ZNF658: variants seen among roughly 807,000 people sequenced by gnomAD.
The protein encoded by ZNF658 is zinc finger protein 658.
In ZNF658, 46 loss-of-function variants were observed where a neutral mutation model predicts 78.0. The ratio of observed to expected loss-of-function variants is 0.59; its 90% CI spans 0.47 to 0.75. The LOEUF (loss-of-function observed/expected upper bound fraction) is 0.75, where lower values mean the gene tolerates loss of function less well. Ranked by LOEUF, ZNF658 falls within the 30% of genes least tolerant of loss-of-function variation. The probability of loss-of-function intolerance (pLI) is 0.00; values close to 1 mark genes in which losing one functional copy is unlikely to be tolerated. For synonymous variants in ZNF658, 279 were observed against 408.4 expected (o/e 0.68, Z 3.82); for missense variants, 785 against 1,189.3 (o/e 0.66, Z 5.00).
intron 6 of ZNF658, among the ~76,000 whole-genome samples, chr9:66,930,655 C>A (rs1365779932): frequency 6.6e-6 from 1 of 151,938 alleles, no homozygotes; most frequent in Non-Finnish European, 1.5e-5. Context: ...TAAAAAAATA[C>A]AACAGAGCAA....
intron 1 of ZNF658, 40 bp downstream of exon 1, chr9:66,900,876 C>T (rs1372160258): frequency 6.6e-6 from 1 of 152,106 alleles, no homozygotes; most frequent in Non-Finnish European, 1.5e-5. Context: ...GGCCCAGGAA[C>T]CTGGGGACGG....
chr9:66,918,346 C>A lies in ZNF658; in HGVS notation c.780C>A (p.His260Gln). The A allele has an allele frequency of 6.2e-7, 1 of 1,613,878 alleles. No homozygotes were observed. The highest frequency in any genetic ancestry group is 8.5e-7 in the Non-Finnish European group (1 of 1,179,844). Residue 260 changes from histidine to glutamine, a missense_variant, in exon 5 of 5, where the codon CAC (histidine) becomes CAA (glutamine). Coordinates refer to ENST00000621410, the MANE Select transcript of ZNF658 (RefSeq NM_033160.7). Reference protein sequence around the residue: ...KNFDKITLFNHMRTDTRGKCS... With the variant: ...KNFDKITLFNQMRTDTRGKCS... ...TTGATAAAATCACTTTATTTAACCA[C>A]ATGAGAACTGACACAAGGGGGAAAT... is the stretch of plus-strand genomic sequence containing the variant.
rs1179537170 is a variant in ZNF658, at chr9:66,930,604, T to C, written c.*55-1421T>C. Among the ~76,000 whole-genome samples, 4 of 152,032 alleles carry C rather than the reference T, an allele frequency of 2.6e-5. No individual in the cohort carries two copies. The East Asian group carries it at 7.7e-4, about 29-fold the overall frequency. On this transcript the variant is annotated intron_variant and NMD_transcript_variant, in intron 6 of 6. Transcript: ENST00000622180. ...GCAACCAGATCACAAGGTCAAGAGA[T>C]CGAGACCATTCTGGTCAACATGGTG...
At chr9:66,908,851 C>T in intron 4 of ZNF658, 117 bp downstream of exon 4, 1 of 658,446 alleles carries the variant, frequency 1.5e-6, no homozygotes, top group East Asian at 2.7e-5. Flanking sequence ...GCCTACAATT[C>T]ACTCCTTTAA....
At chr9:66,914,854 G>T (rs1822296479) in intron 4 of ZNF658, among the ~76,000 whole-genome samples, 1 of 152,006 alleles carries the variant, frequency 6.6e-6, no homozygotes, top group Admixed American at 6.6e-5. Flanking sequence ...GGAGATATTG[G>T]TCTGAAAGCT....
chr9:66,904,843 A>G (rs1412276040), intron 2 of ZNF658, among the ~76,000 whole-genome samples: 2 of 151,390 alleles, frequency 1.3e-5, no homozygotes, highest in Non-Finnish European at 2.9e-5. Flanking sequence ...CAGTTTCTCT[A>G]TTTTTCCTGG....
chr9:66,900,781 G>A lies in ZNF658; in HGVS notation c.-100G>A, dbSNP rs1368244000. 1.3e-5 allele frequency: 2 copies of A among 152,288 alleles called. No homozygotes were observed. Among genetic ancestry groups the A allele is most frequent in the Non-Finnish European group, 2.9e-5 (2 of 68,078 alleles). 9.4% of individuals were successfully genotyped at this position (152,288 alleles called of 1,614,324 possible). On this transcript the variant is annotated 5_prime_UTR_variant, in exon 1 of 5. Transcript: ENST00000621410. Reference sequence around the variant, plus strand: ...GCCGTCTGCCCTCCCGGGCCTGAAAGGGACACGGTGTCCGAGTCTTTAGGT... The same window carrying A: ...GCCGTCTGCCCTCCCGGGCCTGAAAAGGACACGGTGTCCGAGTCTTTAGGT...
chr9:66,903,458 G>C (rs1236755384), intron 1 of ZNF658, 60 bp from the exon 2 acceptor site: 1 of 1,014,556 alleles, frequency 9.9e-7, no homozygotes, highest in Non-Finnish European at 1.6e-6. Flanking sequence ...GACCATCTCT[G>C]TAAGAACTGA....
In ZNF658 at chr9:66,908,334, C is replaced by A; in HGVS notation, c.112C>A (p.Leu38Met). ...VERTLYRDVM[L>M]ENYSHLISVG... is the part of the protein sequence containing the mutation. ...GAGGACGCTGTACAGAGATGTGATGCTGGAGAACTACAGCCACCTCATCTC... is the reference window on the plus strand; with the variant it reads ...GAGGACGCTGTACAGAGATGTGATGATGGAGAACTACAGCCACCTCATCTC... Residue 38 changes from leucine (L) to methionine (M), a missense_variant, in exon 3 of 5, where the codon CTG becomes ATG. Coordinates refer to ENST00000621410, the MANE Select transcript of ZNF658 (RefSeq NM_033160.7). The A allele has an allele frequency of 6.2e-7, 1 of 1,614,108 alleles. No homozygotes were observed.
Position 66,927,444 on chromosome 9 carries a change from C to T in ZNF658, c.*54+3107C>T, listed in dbSNP as rs77369912. Among the ~76,000 whole-genome samples the T allele has an allele frequency of 0.016, 2,482 of 152,086 alleles. 85 individuals carry two copies. In the East Asian group the frequency reaches 0.21, roughly 13 times the overall value. Reference sequence around the variant, plus strand: ...ATTTACTATGGGAAAAAAGAATGAACGTTCTTCAAAAAGTTAAAAACAGAG... The same window carrying T: ...ATTTACTATGGGAAAAAAGAATGAATGTTCTTCAAAAAGTTAAAAACAGAG... On this transcript the variant is annotated intron_variant and NMD_transcript_variant, in intron 6 of 6. Coordinates refer to the ZNF658 transcript ENST00000622180.
At position 66,918,233 on chromosome 9, in the gene ZNF658, G is replaced by A. The variant is rs1445884746; in HGVS notation, c.667G>A (p.Gly223Ser). 1.7e-5 allele frequency: 28 copies of A among 1,606,826 alleles called. No homozygotes were observed. The highest frequency in any genetic ancestry group is 2.4e-5 in the Non-Finnish European group (28 of 1,177,592). The change falls in exon 5 of 5, where the codon GGT (glycine) becomes AGT (serine). Residue 223 changes from glycine to serine, a missense_variant. Around this residue, in one of 12 missense-constraint regions of ZNF658, gnomAD observed 393 missense variants for 400.2 expected, o/e 0.98. Transcript: ENST00000621410. ...TTTTGAATGTGATGGATCTGGACAA[G>A]GTTTATATGATAAGACAATTTGTAT... is the stretch of plus-strand genomic sequence containing the variant. ...ESFECDGSGQ[G>S]LYDKTICITP...
intron 6 of ZNF658, among the ~76,000 whole-genome samples, chr9:66,928,499 C>T (rs1261329806): frequency 4.2e-5 from 6 of 144,438 alleles, no homozygotes; most frequent in East Asian, 2.1e-4. Flanking sequence ...GGATAGAATA[C>T]GACTATACAA....
intron 4 of ZNF658, among the ~76,000 whole-genome samples, chr9:66,910,013 A>G (rs1157837727): frequency 6.6e-6 from 1 of 152,104 alleles, no homozygotes; most frequent in African/African-American, 2.4e-5. Flanking sequence ...AGTGGGAGAG[A>G]GAGAATACTC....
rs766541719 is a variant in ZNF658, at chr9:66,918,316, A to G, written c.750A>G (p.Lys250=). Residue 250 remains lysine, a synonymous_variant, in exon 5 of 5, where the codon AAA becomes AAG. Coordinates refer to ENST00000621410, the MANE Select transcript of ZNF658 (RefSeq NM_033160.7). ...CCTGTAAGGATGATGAATTTAGAAA[A>G]AACTTTGATAAAATCACTTTATTTA... ...EKSCKDDEFR[K]NFDKITLFNH... 2 of 1,613,796 alleles carry G rather than the reference A, an allele frequency of 1.2e-6. No individual in the cohort carries two copies. The highest frequency in any genetic ancestry group is 1.7e-6 in the Non-Finnish European group (2 of 1,179,840).
chr9:66,912,129 T>A (rs1464895235), intron 4 of ZNF658, among the ~76,000 whole-genome samples: 2 of 35,958 alleles, frequency 5.6e-5, no homozygotes, highest in African/African-American at 1.9e-4. Context: ...CAAGACCCCA[T>A]CTCAAAAAAA....
At chr9:66,905,846 TAAA>T (rs1489739250) in intron 2 of ZNF658, among the ~76,000 whole-genome samples, 1 of 144,842 alleles carries the variant, frequency 6.9e-6, no homozygotes, top group East Asian at 2.0e-4. Flanking sequence ...ATAGTTGATT[TAAA>T]GTCATCGTCT....
At chr9:66,907,646 A>G (rs574993608) in intron 2 of ZNF658, among the ~76,000 whole-genome samples, 1 of 152,212 alleles carries the variant, frequency 6.6e-6, no homozygotes, top group South Asian at 2.1e-4. Flanking sequence ...TTTTTTTAAA[A>G]GGAGCTTCTC....
intron 6 of ZNF658, among the ~76,000 whole-genome samples, chr9:66,929,345 C>T (rs1047232938): frequency 1.4e-5 from 2 of 138,140 alleles, no homozygotes; most frequent in African/African-American, 5.5e-5. Context: ...TTCCAAGCTT[C>T]TCCTCCTAGG....
intron 4 of ZNF658, among the ~76,000 whole-genome samples, chr9:66,913,085 AG>A (rs1257744923): frequency 1.3e-5 from 2 of 150,328 alleles, no homozygotes; most frequent in East Asian, 3.9e-4. Context: ...TAGTGTTATC[AG>A]AGTCCTTGTG....
Sources: allele counts gnomAD v4.1 joint callset (sites outside exome capture counted in the v4.1 genomes callset), GRCh38; gene constraint gnomAD v4.1.1; regional missense constraint gnomAD v4.1.1; transcripts MANE v1.5; gene names NCBI Gene and HGNC (gene_info 2026-07-23, HGNC 2026-07-21).